The following ACO2 variants were observed in gnomAD, a reference collection of about 807,000 sequenced individuals.
ACO2 encodes the protein aconitase 2, also known as aconitate hydratase, mitochondrial.
Under a neutral mutation model 84.5 loss-of-function variants are expected in ACO2, and 31 were observed. The ratio of observed to expected loss-of-function variants is 0.37; its 90% CI spans 0.28 to 0.50. The LOEUF is 0.50. ACO2 is among the 20% of genes least tolerant of loss of function. ACO2 has a pLI of 0.97. For synonymous variants in ACO2, 414 were observed against 412.7 expected (o/e 1.00, Z -0.04); for missense variants, 685 against 1,029.3 (o/e 0.67, Z 4.58).
Position 41,517,553 on chromosome 22 carries a change from G to A in ACO2, c.862G>A (p.Ala288Thr). The A allele has an allele frequency of 6.2e-7, 1 of 1,613,992 alleles. No individual in the cohort carries two copies. The change falls in exon 7 of 18, where the codon GCA becomes ACA. Residue 288 changes from alanine (A) to threonine (T), a missense_variant. By Grantham distance (58) the Ala-to-Thr change is moderately conservative. This residue lies in a region of ACO2 where 311 missense variants were observed against 441.6 expected (regional missense o/e 0.70). Transcript: ENST00000216254. ...TGMATICNMG[A>T]EIGATTSVFP... ...CATGGCGACAATCTGCAACATGGGT[G>A]CAGAAATTGGGGCCACCACTTCCGT...
In ACO2 at chr22:41,528,683, C is replaced by T. The variant is rs942285984; in HGVS notation, c.*70C>T. The T allele has an allele frequency of 1.5e-5, 23 of 1,568,440 alleles. No individual in the cohort carries two copies. The highest frequency in any genetic ancestry group is 1.6e-5 in the Non-Finnish European group (18 of 1,159,682). ...ACGTGTGCCATCAGTGGATCCGATC[C>T]GTCCAGCCATGGCTTCCTATTCCAA... On this transcript the variant is annotated 3_prime_UTR_variant, in exon 18 of 18. Coordinates refer to ENST00000216254, the MANE Select transcript of ACO2 (RefSeq NM_001098.3).
intron 1 of ACO2, among the ~76,000 whole-genome samples, chr22:41,474,200 A>G (rs1472038241): frequency 4.0e-5 from 6 of 151,564 alleles, no homozygotes; most frequent in Non-Finnish European, 8.8e-5. Flanking sequence ...TGGGAGGGAT[A>G]GAGAATAAGG....
At chr22:41,504,507 C>A (rs1284398918) in intron 2 of ACO2, among the ~76,000 whole-genome samples, 1 of 152,116 alleles carries the variant, frequency 6.6e-6, no homozygotes, top group South Asian at 2.1e-4. Flanking sequence ...CTTCCAAGGT[C>A]TTGGGTTTTT....
At chr22:41,512,668 G>C (rs1294984275) in intron 4 of ACO2, among the ~76,000 whole-genome samples, 5 of 152,236 alleles carry the variant, frequency 3.3e-5, no homozygotes, top group African/African-American at 4.8e-5. Flanking sequence ...GTAGGGTGAA[G>C]GTACCATAGG....
chr22:41,509,581 T>G (rs1171947183), intron 3 of ACO2, among the ~76,000 whole-genome samples: 1 of 152,082 alleles, frequency 6.6e-6, no homozygotes, highest in Non-Finnish European at 1.5e-5. Flanking sequence ...ATGAGTTGCA[T>G]TGACTGGAGG....
At chr22:41,501,860 C>T (rs769645465) in intron 2 of ACO2, among the ~76,000 whole-genome samples, 2 of 152,170 alleles carry the variant, frequency 1.3e-5, no homozygotes, top group Non-Finnish European at 2.9e-5. Context: ...CAGCCTCCAG[C>T]ACAGCATCAT....
At chr22:41,505,187 T>C (rs2066384039) in intron 2 of ACO2, among the ~76,000 whole-genome samples, 1 of 151,964 alleles carries the variant, frequency 6.6e-6, no homozygotes, top group African/African-American at 2.4e-5. Context: ...GGGAAGATCA[T>C]GTGAGCCTAG....
At chr22:41,486,281 T>G (rs1212521824) in intron 1 of ACO2, among the ~76,000 whole-genome samples, 1 of 152,100 alleles carries the variant, frequency 6.6e-6, no homozygotes, top group Non-Finnish European at 1.5e-5. Flanking sequence ...GGGTACACGA[T>G]AAGCTACTGT....
At chr22:41,506,787 C>T (rs529047184) in intron 2 of ACO2, among the ~76,000 whole-genome samples, 1 of 152,200 alleles carries the variant, frequency 6.6e-6, no homozygotes, top group Non-Finnish European at 1.5e-5. Context: ...GAACTCTGCT[C>T]CTCCTTAGGA....
chr22:41,517,515 G>T lies in ACO2; in HGVS notation c.836-12G>T. 6.2e-7 allele frequency: 1 copy of T among 1,612,718 alleles called. No individual in the cohort carries two copies. The highest frequency in any genetic ancestry group is 8.5e-7 in the Non-Finnish European group (1 of 1,179,322). On this transcript the variant is annotated splice_polypyrimidine_tract_variant and intron_variant, in intron 6 of 17. Coordinates refer to ENST00000216254, the MANE Select transcript of ACO2 (RefSeq NM_001098.3). Reference sequence around the variant, plus strand: ...GCCACCAGCCAATGCCCGGGGCTCTGTTGCTCCACAGGCATGGCGACAATC... The same window carrying T: ...GCCACCAGCCAATGCCCGGGGCTCTTTTGCTCCACAGGCATGGCGACAATC...
intron 1 of ACO2, among the ~76,000 whole-genome samples, chr22:41,494,084 G>A (rs12167184): frequency 0.057 from 8,742 of 152,270 alleles, 799 homozygotes; most frequent in African/African-American, 0.19. Context: ...CTGGATGTTG[G>A]GAACAGACAC....
intron 1 of ACO2, among the ~76,000 whole-genome samples, chr22:41,486,052 G>A (rs1224001129): frequency 1.3e-5 from 2 of 152,128 alleles, no homozygotes; most frequent in African/African-American, 4.8e-5. Flanking sequence ...GTGAAGCCTT[G>A]TGGAAACATC....
chr22:41,476,541 C>G (rs2146079466), intron 1 of ACO2, among the ~76,000 whole-genome samples: 1 of 151,716 alleles, frequency 6.6e-6, no homozygotes, highest in Non-Finnish European at 1.5e-5. Flanking sequence ...AACTCCATCT[C>G]TACTAAAAAT....
At position 41,487,030 on chromosome 22, in the gene ACO2, C is replaced by T. The variant is rs145849763; in HGVS notation, c.37-12696C>T. ...TCCCGAGTAGCTGGGATTACAGGCG[C>T]CCACCACTACGTCCGGCTAATTTTT... On this transcript the variant is annotated intron_variant, in intron 1 of 17. Coordinates refer to ENST00000216254, the MANE Select transcript of ACO2 (RefSeq NM_001098.3). 7.9e-4 allele frequency among the ~76,000 whole-genome samples: 120 copies of T among 152,084 alleles called. 2 individuals carry two copies. In the East Asian group the frequency reaches 0.022, roughly 28 times the overall value.
In ACO2 at chr22:41,515,874, C is replaced by A; in HGVS notation, c.792C>A (p.Ile264=). The A allele has an allele frequency of 1.2e-6, 2 of 1,614,218 alleles. No homozygotes were observed. Among genetic ancestry groups the A allele is most frequent in the East Asian group, 2.2e-5 (1 of 44,882 alleles). ...CGGTGAAAGGTGGCACAGGTGCAAT[C>A]GTGGAATACCACGGGCCTGGTGTAG... ...ILTVKGGTGA[I]VEYHGPGVDS... The change falls in exon 6 of 18, where the codon ATC becomes ATA. Residue 264 remains isoleucine (I), a synonymous_variant. Coordinates refer to ENST00000216254, the MANE Select transcript of ACO2 (RefSeq NM_001098.3). The surrounding 1 kb of genome is among the most constrained non-coding windows in gnomAD (Gnocchi z 5.8).
At chr22:41,483,100 G>A (rs2038108519) in intron 1 of ACO2, among the ~76,000 whole-genome samples, 1 of 152,218 alleles carries the variant, frequency 6.6e-6, no homozygotes. Flanking sequence ...CCCAGAAAGT[G>A]GGGGAAAGTG....
intron 1 of ACO2, among the ~76,000 whole-genome samples, chr22:41,497,752 G>A (rs770304216): frequency 1.2e-4 from 19 of 152,196 alleles, no homozygotes; most frequent in Non-Finnish European, 2.2e-4. Flanking sequence ...GTGTGGCGGC[G>A]TGTGCCTGTA....
chr22:41,503,697 AG>A (rs1037846713), intron 2 of ACO2, among the ~76,000 whole-genome samples: 1 of 152,024 alleles, frequency 6.6e-6, no homozygotes, highest in Non-Finnish European at 1.5e-5. Flanking sequence ...TTTTGTCCCT[AG>A]GGCCCATTTG....
Position 41,528,795 on chromosome 22 carries a change from T to G in ACO2, c.*182T>G, listed in dbSNP as rs761873261. The G allele has an allele frequency of 1.8e-5, 14 of 795,228 alleles. No homozygotes were observed. The highest frequency in any genetic ancestry group is 2.5e-5 in the Non-Finnish European group (13 of 523,960). The allele number at this position is 795,228 out of a possible 1,614,324, so 49.3% of individuals were successfully genotyped here. On this transcript the variant is annotated 3_prime_UTR_variant, in exon 18 of 18. Coordinates refer to ENST00000216254, the MANE Select transcript of ACO2 (RefSeq NM_001098.3). The stretch of plus-strand genomic sequence containing the variant: ...GTGGGGGGGTTCTTAAAATAACTTT[T>G]TAGCCCCCGTCTTCCTATTTTGAGT...
Sources: allele counts gnomAD v4.1 joint callset (sites outside exome capture counted in the v4.1 genomes callset), GRCh38; gene constraint gnomAD v4.1.1; regional missense constraint gnomAD v4.1.1; non-coding constraint Gnocchi (gnomAD v3.1); transcripts MANE v1.5; gene names NCBI Gene and HGNC (gene_info 2026-07-23, HGNC 2026-07-21).